The following ADCY8 variants were observed in gnomAD, a reference collection of about 807,000 sequenced individuals.
ADCY8 encodes the protein adenylate cyclase 8.
Under a neutral mutation model 119.7 loss-of-function variants are expected in ADCY8, and 51 were observed. The ratio of observed to expected loss-of-function variants is 0.43; its 90% CI spans 0.34 to 0.54. ADCY8 has a LOEUF of 0.54. Among genes scored for constraint, ADCY8 ranks in the 20% least tolerant of loss-of-function variants. The pLI is 0.03. For synonymous variants in ADCY8, 665 were observed against 651.0 expected, an observed-to-expected ratio of 1.02 and a Z score of -0.33; for missense variants, 1,383 against 1,598.8, an observed-to-expected ratio of 0.87 and a Z score of 2.30.
At chr8:130,997,728 A>G (rs969061860) in intron 1 of ADCY8, among the ~76,000 whole-genome samples, 2 of 152,146 alleles carry the variant, frequency 1.3e-5, no homozygotes, top group African/African-American at 4.8e-5. Flanking sequence ...TTTTTACTAA[A>G]TGTTTTGATG....
chr8:130,927,168 C>T (rs1348471621), intron 5 of ADCY8, among the ~76,000 whole-genome samples: 2 of 152,044 alleles, frequency 1.3e-5, no homozygotes, highest in African/African-American at 4.8e-5. Context: ...TGAAGAACTG[C>T]CACTGTTTTA....
At chr8:130,913,772 C>G (rs1004346605) in intron 5 of ADCY8, among the ~76,000 whole-genome samples, 1 of 152,188 alleles carries the variant, frequency 6.6e-6, no homozygotes. Flanking sequence ...TCCTGACTGG[C>G]ACAATCATGA....
chr8:130,985,940 A>G (rs572552819), intron 2 of ADCY8, among the ~76,000 whole-genome samples: 2 of 152,336 alleles, frequency 1.3e-5, no homozygotes, highest in African/African-American at 2.4e-5. Flanking sequence ...GTGCCCCCAG[A>G]GCTTCTGAGA....
rs113703779 is a variant in ADCY8, at chr8:130,848,893, GA to G, written c.2412+708del. On this transcript the variant is annotated intron_variant, in intron 10 of 17. Transcript: ENST00000286355. ...ACAGTGATAAATATCATGGCAGTTGGAAATTCATCTGAGTTCTATGTGTCAC... is the reference window on the plus strand; with the variant it reads ...ACAGTGATAAATATCATGGCAGTTGGAATTCATCTGAGTTCTATGTGTCAC... Among the ~76,000 whole-genome samples the G allele has an allele frequency of 4.3e-3, 653 of 152,288 alleles. 6 individuals carry two copies. Among genetic ancestry groups the G allele is most frequent in the African/African-American group, 0.014 (598 of 41,552 alleles).
In ADCY8 at chr8:130,992,390, T is replaced by TATTGAGCAACTGTGCCTGGCAC. The variant is rs1554623323; in HGVS notation, c.961-1849_961-1848insGTGCCAGGCACAGTTGCTCAAT. Among the ~76,000 whole-genome samples the TATTGAGCAACTGTGCCTGGCAC allele has an allele frequency of 1.7e-4, 17 of 102,622 alleles. 1 individual carries two copies. The highest frequency in any genetic ancestry group is 8.8e-4 in the African/African-American group (17 of 19,240). 67.3% of individuals were successfully genotyped at this position (102,622 alleles called of 152,430 possible). ...TGAGCAACTGTATCTGGCATATATA[T>TATTGAGCAACTGTGCCTGGCAC]ATATATATATATATATATATATATA... On this transcript the variant is annotated intron_variant, in intron 1 of 17. Coordinates refer to ENST00000286355, the MANE Select transcript of ADCY8 (RefSeq NM_001115.3).
intron 14 of ADCY8, among the ~76,000 whole-genome samples, chr8:130,803,506 A>G (rs926970717): frequency 2.0e-5 from 3 of 152,228 alleles, no homozygotes; most frequent in Admixed American, 6.5e-5. Flanking sequence ...TGCACACCCT[A>G]GACAGTCTGG....
At chr8:130,890,003 T>G (rs1447165290) in intron 7 of ADCY8, among the ~76,000 whole-genome samples, 1 of 152,120 alleles carries the variant, frequency 6.6e-6, no homozygotes, top group African/African-American at 2.4e-5. Context: ...TTCTCTAGAC[T>G]ATGATCTCCT....
In ADCY8 at chr8:131,006,319, C is replaced by T. The variant is rs548704748; in HGVS notation, c.961-15777G>A. ...ATTCAGTAAATCTTTGTTGACAGGACGCTCCTGTGGTTGTCTGTAGGAGCC... is the reference window on the plus strand; with the variant it reads ...ATTCAGTAAATCTTTGTTGACAGGATGCTCCTGTGGTTGTCTGTAGGAGCC... On this transcript the variant is annotated intron_variant, in intron 1 of 17. Coordinates refer to ENST00000286355, the MANE Select transcript of ADCY8 (RefSeq NM_001115.3). Among the ~76,000 whole-genome samples, 19 of 152,280 alleles carry T rather than the reference C, an allele frequency of 1.2e-4. 1 individual carries two copies. Among genetic ancestry groups the T allele is most frequent in the South Asian group, 6.2e-4 (3 of 4,820 alleles).
intron 14 of ADCY8, among the ~76,000 whole-genome samples, chr8:130,813,599 T>C (rs1398196848): frequency 3.3e-5 from 5 of 152,244 alleles, no homozygotes; most frequent in African/African-American, 1.2e-4. Flanking sequence ...TATTCCACTT[T>C]ATGTATATAT....
chr8:130,948,545 C>A (rs150972486), intron 3 of ADCY8, among the ~76,000 whole-genome samples: 281 of 151,652 alleles, frequency 1.9e-3, no homozygotes, highest in African/African-American at 6.5e-3. Flanking sequence ...AGCATGGCGC[C>A]TTTAAGCATA....
chr8:130,968,921 A>G (rs776645325), intron 2 of ADCY8, among the ~76,000 whole-genome samples: 1 of 152,160 alleles, frequency 6.6e-6, no homozygotes, highest in African/African-American at 2.4e-5. Flanking sequence ...TCTTAACCAC[A>G]TCTTAGGGCT....
In ADCY8 at chr8:130,836,403, A is replaced by G; in HGVS notation, c.2549T>C (p.Phe850Ser). The change falls in exon 12 of 18, where the codon TTC (phenylalanine) becomes TCC (serine). Residue 850 changes from phenylalanine to serine, a missense_variant. Transcript: ENST00000286355. ...GVLAMVTCAV[F>S]LRLNSVLKLA... The stretch of plus-strand genomic sequence containing the variant: ...CTTCAGGACGGAGTTCAGCCGGAGG[A>G]AAACTGCACAGGTCACCATGGCCAA... 2 of 1,613,996 alleles carry G rather than the reference A, an allele frequency of 1.2e-6. No individual in the cohort carries two copies. The highest frequency in any genetic ancestry group is 1.7e-6 in the Non-Finnish European group (2 of 1,179,906).
Position 130,943,478 on chromosome 8 carries a change from A to AG in ADCY8, c.1242-17dup. ...AAAAAGAATACTAAACACAGGGAAG[A>AG]GGGTGGGGGTGGGGGGAGGAAGTAT... On this transcript the variant is annotated splice_polypyrimidine_tract_variant and intron_variant, in intron 3 of 17. Transcript: ENST00000286355. 3 of 130,868 alleles carry AG rather than the reference A, an allele frequency of 2.3e-5. No homozygotes were observed. Among genetic ancestry groups the AG allele is most frequent in the African/African-American group, 1.8e-4 (1 of 5,704 alleles). The allele number at this position is 130,868 out of a possible 1,614,324, so 8.1% of individuals were successfully genotyped here.
At chr8:130,943,497 G>GGGGGCCCCCCCCCCCC in intron 3 of ADCY8, 35 bp from the exon 4 acceptor site, 1 of 491,356 alleles carries the variant, frequency 2.0e-6, no homozygotes, top group Non-Finnish European at 4.2e-6. Flanking sequence ...GTGGGGGGAG[G>GGGGGCCCCCCCCCCCC]AAGTATATTA....
chr8:130,867,399 C>T (rs1433244536), intron 9 of ADCY8, among the ~76,000 whole-genome samples: 1 of 152,080 alleles, frequency 6.6e-6, no homozygotes, highest in Non-Finnish European at 1.5e-5. Context: ...ATGGGGATTC[C>T]AGAAGTTTTT....
intron 17 of ADCY8, among the ~76,000 whole-genome samples, chr8:130,782,208 G>A (rs1381983413): frequency 1.3e-5 from 2 of 152,156 alleles, no homozygotes; most frequent in African/African-American, 4.8e-5. Context: ...TATACCCACT[G>A]ATATAAGTGA....
intron 15 of ADCY8, among the ~76,000 whole-genome samples, chr8:130,798,575 G>A (rs1350295696): frequency 6.6e-6 from 1 of 152,158 alleles, no homozygotes; most frequent in African/African-American, 2.4e-5. Flanking sequence ...TAGAGTTGAT[G>A]AAGGGGAGCC....
chr8:130,952,006 A>T lies in ADCY8; in HGVS notation c.1111-8T>A. On this transcript the variant is annotated splice_polypyrimidine_tract_variant and splice_region_variant and intron_variant, in intron 2 of 17. Coordinates refer to ENST00000286355, the MANE Select transcript of ADCY8 (RefSeq NM_001115.3). ...AGAAAGCACGAGCCGCTCCTGGAAC[A>T]AATGAAGAGGGACGGTCCTGTTAGG... The T allele has an allele frequency of 1.2e-6, 2 of 1,613,914 alleles. No homozygotes were observed. The highest frequency in any genetic ancestry group is 1.7e-6 in the Non-Finnish European group (2 of 1,179,856).
chr8:130,996,918 C>T (rs916301370), intron 1 of ADCY8, among the ~76,000 whole-genome samples: 18 of 152,158 alleles, frequency 1.2e-4, no homozygotes, highest in South Asian at 2.1e-4. Context: ...TTTTGACCCA[C>T]TGACCCAACC....
Sources: allele counts gnomAD v4.1 joint callset (sites outside exome capture counted in the v4.1 genomes callset), GRCh38; gene constraint gnomAD v4.1.1; transcripts MANE v1.5; gene names NCBI Gene and HGNC (gene_info 2026-07-23, HGNC 2026-07-21).